Variants in CNTN4 observed in about 807,000 individuals in gnomAD.
CNTN4 encodes the protein contactin-4.
A neutral mutation model predicts 122.5 loss-of-function variants in CNTN4; 77 were observed. The observed-to-expected ratio is 0.63, with a 90% CI of 0.52 to 0.76. The LOEUF is 0.76. CNTN4 is among the 30% of genes least tolerant of loss of function. The probability of loss-of-function intolerance (pLI) is 0.00; values close to 1 mark genes in which losing one functional copy is unlikely to be tolerated. For missense variants in CNTN4, 1,256 were observed against 1,259.1 expected, an observed-to-expected ratio of 1.00 and a Z score of 0.04; for synonymous variants, 512 against 447.0, an observed-to-expected ratio of 1.15 and a Z score of -1.83.
intron 3 of CNTN4, among the ~76,000 whole-genome samples, chr3:2,467,947 C>G (rs992023916): frequency 2.0e-5 from 3 of 152,072 alleles, no homozygotes; most frequent in African/African-American, 4.8e-5. Context: ...TATTTTATAG[C>G]CGACAAACCT....
chr3:2,565,611 G>A (rs1271268770), intron 3 of CNTN4, among the ~76,000 whole-genome samples: 1 of 152,138 alleles, frequency 6.6e-6, no homozygotes, highest in Non-Finnish European at 1.5e-5. Flanking sequence ...GTCCTTGTGG[G>A]CGGAGACCTT....
intron 4 of CNTN4, among the ~76,000 whole-genome samples, chr3:2,627,641 C>A (rs1479931854): frequency 1.4e-5 from 2 of 146,972 alleles, no homozygotes; most frequent in Admixed American, 6.7e-5. Flanking sequence ...ATACAGGTGC[C>A]CGCCACCACG....
intron 2 of CNTN4, among the ~76,000 whole-genome samples, chr3:2,174,551 C>G (rs1051404285): frequency 2.6e-5 from 4 of 152,148 alleles, no homozygotes; most frequent in Non-Finnish European, 5.9e-5. Flanking sequence ...GGGCACTAAT[C>G]TCATTCAAAA....
At chr3:2,513,091 G>C (rs1306778431) in intron 3 of CNTN4, among the ~76,000 whole-genome samples, 1 of 152,168 alleles carries the variant, frequency 6.6e-6, no homozygotes, top group East Asian at 1.9e-4. Context: ...TGGTACCTCT[G>C]AGTAGCAAAC....
rs1031585045 is a variant in CNTN4, at chr3:2,385,816, A to G, written c.-89+46583A>G. Among the ~76,000 whole-genome samples the G allele has an allele frequency of 6.6e-6, 1 of 152,086 alleles. No individual in the cohort carries two copies. The highest frequency in any genetic ancestry group is 1.5e-5 in the Non-Finnish European group (1 of 68,018). Reference sequence around the variant, plus strand: ...TACATTTGCAAAGACCCTGCTTCCAAATAAGGTCACATTCACACGTACCAG... The same window carrying G: ...TACATTTGCAAAGACCCTGCTTCCAGATAAGGTCACATTCACACGTACCAG... On this transcript the variant is annotated intron_variant, in intron 3 of 24. Coordinates refer to ENST00000418658, the MANE Select transcript of CNTN4 (RefSeq NM_175607.3). This position sits in a 1 kb window ranked among gnomAD's most constrained non-coding sequence, Gnocchi z 4.0.
intron 15 of CNTN4, 115 bp downstream of exon 15, chr3:3,026,392 T>G (rs1574858601): frequency 1.1e-6 from 1 of 892,850 alleles, no homozygotes; most frequent in East Asian, 2.6e-5. Flanking sequence ...AAGAAACTCT[T>G]GGTTAATTCC....
intron 3 of CNTN4, among the ~76,000 whole-genome samples, chr3:2,543,713 C>G (rs2078125328): frequency 6.6e-6 from 1 of 152,106 alleles, no homozygotes; most frequent in South Asian, 2.1e-4. Context: ...AAAGAAAACC[C>G]TTTGCTGTGT....
At chr3:2,811,452 ATTATTTATTTAT>A (rs146081354) in intron 6 of CNTN4, among the ~76,000 whole-genome samples, 7,501 of 146,378 alleles carry the variant, frequency 0.051, 270 homozygotes, top group Non-Finnish European at 0.077. Context: ...TTTTTATTTT[ATTATTTATTTAT>A]TTATTTATTT....
intron 6 of CNTN4, among the ~76,000 whole-genome samples, chr3:2,774,388 C>T (rs1216156098): frequency 6.6e-6 from 1 of 152,176 alleles, no homozygotes; most frequent in Admixed American, 6.5e-5. Flanking sequence ...ATTGTTCCTT[C>T]TCTCTTCCAC....
At chr3:3,005,489 C>G (rs1696520636) in intron 14 of CNTN4, among the ~76,000 whole-genome samples, 1 of 152,160 alleles carries the variant, frequency 6.6e-6, no homozygotes, top group African/African-American at 2.4e-5. Context: ...AACACAAACA[C>G]AATTCAGCCA....
intron 13 of CNTN4, among the ~76,000 whole-genome samples, chr3:2,956,432 G>A (rs1015131835): frequency 6.6e-6 from 1 of 151,774 alleles, no homozygotes; most frequent in African/African-American, 2.4e-5. Context: ...AATTAAAATG[G>A]CATTTTTTAT....
chr3:2,982,078 G>A (rs1439463441), intron 13 of CNTN4, among the ~76,000 whole-genome samples: 1 of 152,070 alleles, frequency 6.6e-6, no homozygotes, highest in Non-Finnish European at 1.5e-5. Context: ...AAAAGCAACA[G>A]GTCAAATTGT....
intron 2 of CNTN4, among the ~76,000 whole-genome samples, chr3:2,326,727 G>GT (rs1281817940): frequency 6.6e-6 from 1 of 152,226 alleles, no homozygotes; most frequent in Non-Finnish European, 1.5e-5. Flanking sequence ...AGGAATGGCT[G>GT]TAACTGTTTT....
intron 4 of CNTN4, among the ~76,000 whole-genome samples, chr3:2,572,643 TTTTACAACA>T (rs2079476900): frequency 6.6e-6 from 1 of 152,176 alleles, no homozygotes; most frequent in South Asian, 2.1e-4. Context: ...ATATTTGCAT[TTTTACAACA>T]TGAAGCAAAA....
rs757962159 is a variant in CNTN4, at chr3:2,866,736, AT to A, written c.455-9del. The A allele has an allele frequency of 9.9e-6, 16 of 1,609,988 alleles. No homozygotes were observed. The highest frequency in any genetic ancestry group is 1.7e-4 in the Middle Eastern group (1 of 6,040). ...GCCAAAAGACATATTTGTAATGAAG[AT>A]TTTTTTCCTTTCAGAGCTGAGTTAT... On this transcript the variant is annotated splice_polypyrimidine_tract_variant and intron_variant, in intron 7 of 24. Coordinates refer to ENST00000418658, the MANE Select transcript of CNTN4 (RefSeq NM_175607.3).
chr3:2,604,407 A>C (rs2081174872), intron 4 of CNTN4, among the ~76,000 whole-genome samples: 1 of 152,140 alleles, frequency 6.6e-6, no homozygotes, highest in Admixed American at 6.6e-5. Context: ...GGCTTTGGAG[A>C]CGTTGCAGAA....
intron 6 of CNTN4, among the ~76,000 whole-genome samples, chr3:2,787,131 C>A (rs2091859915): frequency 6.6e-6 from 1 of 152,144 alleles, no homozygotes; most frequent in South Asian, 2.1e-4. Context: ...AAACCCAGCA[C>A]TTTGGGAGGC....
In CNTN4 at chr3:2,592,284, G is replaced by A. The variant is rs184434922; in HGVS notation, c.55+20726G>A. On this transcript the variant is annotated intron_variant, in intron 4 of 24. Transcript: ENST00000418658. The stretch of plus-strand genomic sequence containing the variant: ...CATAAGAAAACATATGAATATCTTC[G>A]AGACCTGTACTTTACCTATCTGCAT... Among the ~76,000 whole-genome samples the A allele has an allele frequency of 5.9e-5, 9 of 152,238 alleles. No individual in the cohort carries two copies. The East Asian group carries it at 1.7e-3, about 29-fold the overall frequency.
At chr3:2,407,105 A>C (rs554966715) in intron 3 of CNTN4, among the ~76,000 whole-genome samples, 1 of 152,288 alleles carries the variant, frequency 6.6e-6, no homozygotes, top group Non-Finnish European at 1.5e-5. Context: ...AACAACTTTT[A>C]TTTAGGGAGT....
Sources: gnomAD v4.1 joint callset for allele counts (sites outside exome capture counted in the v4.1 genomes callset) on GRCh38, gnomAD v4.1.1 for gene constraint, Gnocchi (gnomAD v3.1) non-coding constraint, MANE v1.5 for transcripts, NCBI Gene and HGNC (gene_info 2026-07-23, HGNC 2026-07-21) for gene names.